NAA25: variants seen among roughly 807,000 people sequenced by gnomAD.
NAA25 encodes the protein N-terminal acetyltransferase B complex subunit NAA25.
Under a neutral mutation model 132.5 loss-of-function variants are expected in NAA25, and 30 were observed. The ratio of observed to expected loss-of-function variants is 0.23; its 90% CI spans 0.17 to 0.31. The LOEUF is 0.31. Among genes scored for constraint, NAA25 ranks in the 10% least tolerant of loss-of-function variants. The probability of loss-of-function intolerance (pLI) is 1.00; values close to 1 mark genes in which losing one functional copy is unlikely to be tolerated. For synonymous variants in NAA25, 359 were observed against 401.9 expected (o/e 0.89, Z 1.28); for missense variants, 771 against 1,150.4 (o/e 0.67, Z 4.77).
chr12:112,048,366 C>T lies in NAA25; in HGVS notation c.1806G>A (p.Arg602=), dbSNP rs761913690. Residue 602 remains arginine (R), a synonymous_variant, in exon 16 of 24, where the codon AGG becomes AGA. Coordinates refer to ENST00000261745, the MANE Select transcript of NAA25 (RefSeq NM_024953.4). The stretch of plus-strand genomic sequence containing the variant: ...GTGCAAAATGAAGAGAATTATTCAG[C>T]CTGTTCCTAAAAGCGATAAACTCTG... The part of the protein sequence containing the change: ...KIPEFIAFRN[R]LNNSLHFAQV... 2 of 1,613,866 alleles carry T rather than the reference C, an allele frequency of 1.2e-6. No individual in the cohort carries two copies. Among genetic ancestry groups the T allele is most frequent in the Middle Eastern group, 1.6e-4 (1 of 6,084 alleles).
chr12:112,070,387 A>T (rs924948253), intron 10 of NAA25, among the ~76,000 whole-genome samples: 1 of 152,152 alleles, frequency 6.6e-6, no homozygotes, highest in African/African-American at 2.4e-5. Context: ...TCATTATCCT[A>T]GTAAATTTTC....
intron 11 of NAA25, among the ~76,000 whole-genome samples, chr12:112,068,047 CTTTT>C (rs2078745274): frequency 6.6e-6 from 1 of 151,882 alleles, no homozygotes; most frequent in Admixed American, 6.6e-5. Context: ...CTCTTTTTTT[CTTTT>C]TTTAAGAGAC....
chr12:112,086,071 T>TACAC (rs71083199), intron 4 of NAA25, among the ~76,000 whole-genome samples: 2 of 53,650 alleles, frequency 3.7e-5, no homozygotes, highest in African/African-American at 1.4e-4. Context: ...TATATATATA[T>TACAC]ATACACACAC....
chr12:112,106,495 A>G (rs1006727757), intron 1 of NAA25, among the ~76,000 whole-genome samples: 4 of 152,082 alleles, frequency 2.6e-5, no homozygotes, highest in Admixed American at 6.6e-5. Context: ...CCTTGTATAT[A>G]TATCTCTGCC....
At chr12:112,050,794 C>A (rs1015491593) in intron 15 of NAA25, among the ~76,000 whole-genome samples, 1 of 152,146 alleles carries the variant, frequency 6.6e-6, no homozygotes, top group Non-Finnish European at 1.5e-5. Context: ...TTTTAAAAAT[C>A]TATTCCAAAG....
At chr12:112,065,267 C>T (rs1479180856) in intron 11 of NAA25, among the ~76,000 whole-genome samples, 3 of 152,064 alleles carry the variant, frequency 2.0e-5, no homozygotes, top group East Asian at 1.9e-4. Flanking sequence ...GAGGCCAAGG[C>T]GGGCATATCA....
At chr12:112,031,398 TA>T (rs1265890912) in intron 23 of NAA25, among the ~76,000 whole-genome samples, 1 of 152,240 alleles carries the variant, frequency 6.6e-6, no homozygotes, top group Non-Finnish European at 1.5e-5. Flanking sequence ...AACATGACTT[TA>T]ACAACATAAG....
chr12:112,107,696 T>C (rs1189874194), intron 1 of NAA25, among the ~76,000 whole-genome samples: 6 of 151,966 alleles, frequency 3.9e-5, no homozygotes, highest in African/African-American at 1.5e-4. Flanking sequence ...TTTAGTAACA[T>C]CCACATGAGG....
rs1399356099 is a variant in NAA25 at position 112,049,472 on chromosome 12, C to T, written c.1729-1029G>A. On this transcript the variant is annotated intron_variant, in intron 15 of 23. Coordinates refer to ENST00000261745, the MANE Select transcript of NAA25 (RefSeq NM_024953.4). The surrounding 1 kb of genome is among the most constrained non-coding windows in gnomAD (Gnocchi z 4.7). Reference sequence around the variant, plus strand: ...CCCAGTAGGAAAATAGGCCAATAGTCAACAACATACCCTCTGATATACAGC... The same window carrying T: ...CCCAGTAGGAAAATAGGCCAATAGTTAACAACATACCCTCTGATATACAGC... The T allele has an allele frequency of 3.0e-6, 3 of 985,768 alleles. No homozygotes were observed. The highest frequency in any genetic ancestry group is 6.2e-5 in the Admixed American group (1 of 16,258). 61.1% of individuals were successfully genotyped at this position (985,768 alleles called of 1,614,324 possible). A position where few individuals can be genotyped will look rare whatever the true frequency, so the allele number is the denominator to read the frequency against.
intron 18 of NAA25, 40 bp from the exon 19 acceptor site, chr12:112,043,251 T>A (rs1232291495): frequency 6.5e-7 from 1 of 1,535,224 alleles, no homozygotes; most frequent in Admixed American, 2.1e-5. Flanking sequence ...TTTAAATCCA[T>A]CTAAATGCAT....
intron 11 of NAA25, among the ~76,000 whole-genome samples, chr12:112,064,455 T>C (rs2136867845): frequency 6.6e-6 from 1 of 152,278 alleles, no homozygotes; most frequent in South Asian, 2.1e-4. Context: ...GGTCTCGAAC[T>C]CCTGAACTCA....
In NAA25 at chr12:112,028,916, G is replaced by C. The variant is rs1407948831; in HGVS notation, c.*615C>G. The C allele has an allele frequency of 6.6e-6, 1 of 152,172 alleles. No individual in the cohort carries two copies. Among genetic ancestry groups the C allele is most frequent in the South Asian group, 2.1e-4 (1 of 4,828 alleles). 9.4% of individuals were successfully genotyped at this position (152,172 alleles called of 1,614,324 possible). A position where few individuals can be genotyped will look rare whatever the true frequency, so the allele number is the denominator to read the frequency against. On this transcript the variant is annotated 3_prime_UTR_variant, in exon 24 of 24. Transcript: ENST00000261745. ...TGTCTTAACTATCAGACAAAAACTA[G>C]CCAAAAACTAAGTGCCTGTGGTCAT... is the stretch of plus-strand genomic sequence containing the variant.
At chr12:112,030,288 A>T (rs958724481) in intron 23 of NAA25, among the ~76,000 whole-genome samples, 1 of 151,924 alleles carries the variant, frequency 6.6e-6, no homozygotes, top group Non-Finnish European at 1.5e-5. Flanking sequence ...CAATAAAAAC[A>T]GAAAATTATG....
At chr12:112,071,854 A>G in intron 10 of NAA25, 41 bp downstream of exon 10, 1 of 1,537,810 alleles carries the variant, frequency 6.5e-7, no homozygotes, top group Non-Finnish European at 8.9e-7. Flanking sequence ...CTTGGGTATT[A>G]AGGGCATTCT....
In NAA25 at chr12:112,068,942, G is replaced by A; in HGVS notation, c.1087C>T (p.Pro363Ser). Reference sequence around the variant, plus strand: ...ACCTTAAGGTCTGTAAAACAACAAGGTTTATCGCCAAACTTTTTAAAATAC... The same window carrying A: ...ACCTTAAGGTCTGTAAAACAACAAGATTTATCGCCAAACTTTTTAAAATAC... ...FQYFKKFGDKPCCFTDLKVFV... is the reference protein window; with the variant it reads ...FQYFKKFGDKSCCFTDLKVFV... The change falls in exon 11 of 24, where the codon CCT becomes TCT. Residue 363 changes from proline (P) to serine (S), a missense_variant. Pro to Ser is a moderately conservative substitution (Grantham distance 74, BLOSUM62 -1). Coordinates refer to ENST00000261745, the MANE Select transcript of NAA25 (RefSeq NM_024953.4). 1 of 1,613,614 alleles carries A rather than the reference G, an allele frequency of 6.2e-7. No individual in the cohort carries two copies. Among genetic ancestry groups the A allele is most frequent in the Non-Finnish European group, 8.5e-7 (1 of 1,179,712 alleles).
rs557222000 is a variant in NAA25 at position 112,088,492 on chromosome 12, A to AT, written c.284-692dup. Among the ~76,000 whole-genome samples, 13 of 151,490 alleles carry AT rather than the reference A, an allele frequency of 8.6e-5. No homozygotes were observed. The South Asian group carries it at 2.1e-3, about 24-fold the overall frequency. ...AGGCACATACCACCACAACTGGCTT[A>AT]TTTTTTATATAGACAGTGTTTCGCC... On this transcript the variant is annotated intron_variant, in intron 3 of 23. Transcript: ENST00000261745.
intron 1 of NAA25, among the ~76,000 whole-genome samples, chr12:112,096,679 T>C (rs2079217139): frequency 6.6e-6 from 1 of 152,220 alleles, no homozygotes; most frequent in Non-Finnish European, 1.5e-5. Context: ...ACCAGTTTTC[T>C]TAAATCCTTA....
At chr12:112,062,474 C>T (rs965684183) in intron 11 of NAA25, among the ~76,000 whole-genome samples, 3 of 150,960 alleles carry the variant, frequency 2.0e-5, no homozygotes, top group African/African-American at 7.3e-5. Flanking sequence ...CCTATAATCC[C>T]AGCACTTTGG....
At chr12:112,093,180 T>C in intron 1 of NAA25, 44 bp from the exon 2 acceptor site, 2 of 1,159,934 alleles carry the variant, frequency 1.7e-6, no homozygotes, top group Non-Finnish European at 1.3e-6. Context: ...ATTCCTTCAA[T>C]AACAAATATA....
Sources: gnomAD v4.1 joint callset for allele counts (sites outside exome capture counted in the v4.1 genomes callset) on GRCh38, gnomAD v4.1.1 for gene constraint, Gnocchi (gnomAD v3.1) non-coding constraint, MANE v1.5 for transcripts, NCBI Gene and HGNC (gene_info 2026-07-23, HGNC 2026-07-21) for gene names.